FYN: variants seen among roughly 807,000 people sequenced by gnomAD.
FYN encodes the protein tyrosine-protein kinase Fyn.
Under a neutral mutation model 70.2 loss-of-function variants are expected in FYN, and 10 were observed. The observed-to-expected ratio is 0.14, with a 90% confidence interval of 0.09 to 0.24. FYN has a LOEUF of 0.24. Among genes scored for constraint, FYN ranks in the 10% least tolerant of loss-of-function variants. The pLI is 1.00. For synonymous variants in FYN, 236 were observed against 248.6 expected (o/e 0.95, Z 0.48); for missense variants, 319 against 673.1 (o/e 0.47, Z 5.82).
intron 4 of FYN, among the ~76,000 whole-genome samples, chr6:111,715,852 A>G (rs1186592172): frequency 3.3e-5 from 5 of 152,216 alleles, no homozygotes; most frequent in African/African-American, 1.2e-4. Flanking sequence ...ATTTTAATTG[A>G]TGTATGGACA....
chr6:111,849,854 C>G (rs1583492636), intron 1 of FYN, among the ~76,000 whole-genome samples: 2 of 152,196 alleles, frequency 1.3e-5, no homozygotes, highest in African/African-American at 4.8e-5. Context: ...TGCCCACACC[C>G]CCATGCAGGA....
intron 2 of FYN, among the ~76,000 whole-genome samples, chr6:111,844,320 A>C (rs1342035852): frequency 6.6e-6 from 1 of 152,266 alleles, no homozygotes; most frequent in African/African-American, 2.4e-5. Context: ...CATGAAGAAC[A>C]AACACTGTAA....
intron 2 of FYN, among the ~76,000 whole-genome samples, chr6:111,794,335 C>T (rs1771734614): frequency 6.6e-6 from 1 of 152,208 alleles, no homozygotes; most frequent in Admixed American, 6.5e-5. Context: ...ATAACATATG[C>T]TTTTTAAATA....
intron 3 of FYN, among the ~76,000 whole-genome samples, chr6:111,724,705 T>C (rs1299021191): frequency 6.6e-6 from 1 of 152,180 alleles, no homozygotes; most frequent in African/African-American, 2.4e-5. Flanking sequence ...CAGGGGTGTA[T>C]GCTCTTTTGT....
intron 3 of FYN, among the ~76,000 whole-genome samples, chr6:111,742,031 A>G (rs934965635): frequency 3.9e-4 from 59 of 152,078 alleles, no homozygotes; most frequent in African/African-American, 1.4e-3. Context: ...GCTAAGGAAA[A>G]CCCTAGCTTT....
chr6:111,829,981 C>T (rs1772964481), intron 2 of FYN, among the ~76,000 whole-genome samples: 1 of 152,192 alleles, frequency 6.6e-6, no homozygotes, highest in African/African-American at 2.4e-5. Context: ...GTCAGGGACT[C>T]ATTTCCTTTG....
intron 3 of FYN, among the ~76,000 whole-genome samples, chr6:111,745,547 G>A (rs767235784): frequency 2.0e-5 from 3 of 152,192 alleles, no homozygotes; most frequent in Non-Finnish European, 2.9e-5. Flanking sequence ...TGTTTGGTGT[G>A]ACACAAGCCA....
intron 2 of FYN, among the ~76,000 whole-genome samples, chr6:111,846,011 C>T (rs1412198465): frequency 6.6e-6 from 1 of 152,218 alleles, no homozygotes; most frequent in Non-Finnish European, 1.5e-5. Flanking sequence ...ACCATCATTA[C>T]CTGAGTACTT....
At chr6:111,837,235 C>T (rs1431168682) in intron 2 of FYN, among the ~76,000 whole-genome samples, 2 of 152,282 alleles carry the variant, frequency 1.3e-5, no homozygotes, top group East Asian at 1.9e-4. Context: ...CGGTAAGCGG[C>T]ACTTTGATGT....
chr6:111,798,870 T>C (rs1360484490), intron 2 of FYN, among the ~76,000 whole-genome samples: 1 of 152,244 alleles, frequency 6.6e-6, no homozygotes, highest in African/African-American at 2.4e-5. Flanking sequence ...GAAAATTGTA[T>C]ATTTACTCTT....
intron 5 of FYN, among the ~76,000 whole-genome samples, chr6:111,711,629 A>C (rs1249667411): frequency 1.3e-5 from 2 of 152,150 alleles, no homozygotes; most frequent in African/African-American, 2.4e-5. Context: ...CCACCAGGGA[A>C]GGGAGTGGGA....
intron 2 of FYN, among the ~76,000 whole-genome samples, chr6:111,830,907 T>C (rs557734859): frequency 2.9e-5 from 4 of 138,312 alleles, no homozygotes; most frequent in African/African-American, 1.2e-4. Context: ...GATGGATTTG[T>C]AGACATTGTA....
intron 13 of FYN, among the ~76,000 whole-genome samples, chr6:111,667,060 C>T (rs1798042471): frequency 6.6e-6 from 1 of 152,134 alleles, no homozygotes. Flanking sequence ...TGGCTTCCTC[C>T]AGCAAACTCA....
chr6:111,749,749 G>C (rs1417385846), intron 3 of FYN, among the ~76,000 whole-genome samples: 3 of 151,988 alleles, frequency 2.0e-5, no homozygotes, highest in Non-Finnish European at 4.4e-5. Flanking sequence ...AATTATAATA[G>C]GGTAAAACTT....
At chr6:111,745,130 G>A (rs148651000) in intron 3 of FYN, among the ~76,000 whole-genome samples, 2 of 152,270 alleles carry the variant, frequency 1.3e-5, no homozygotes, top group East Asian at 3.9e-4. Flanking sequence ...GTGAGTGAAT[G>A]AATCTATCCA....
chr6:111,794,475 C>T lies in FYN; in HGVS notation c.-81-13840G>A, dbSNP rs899492312. Among the ~76,000 whole-genome samples, 3 of 152,190 alleles carry T rather than the reference C, an allele frequency of 2.0e-5. No homozygotes were observed. In the East Asian group the frequency reaches 5.8e-4, roughly 29 times the overall value. On this transcript the variant is annotated intron_variant, in intron 2 of 13. Transcript: ENST00000354650. ...TCACCTAGGTCAATTCCTCGAGAGT[C>T]TGCAGCCAGAAGACTGAGGCTCTAC...
chr6:111,702,895 T>G lies in FYN; in HGVS notation c.687A>C (p.Gln229His), dbSNP rs77439992. ...TAGAATTAAGGTTACCTGAGTAATG[T>G]TGTACAAGCTGCTGAAGTGTTTCAA... is the stretch of plus-strand genomic sequence containing the variant. ...AQFETLQQLV[Q>H]HYSERAAGLC... The change falls in exon 8 of 14, where the codon CAA becomes CAC. Residue 229 changes from glutamine to histidine, a missense_variant. This residue lies in a region of FYN where 112 missense variants were observed against 250.2 expected (regional missense o/e 0.45). Transcript: ENST00000354650. The G allele has an allele frequency of 3.7e-4, 603 of 1,613,912 alleles. 1 individual carries two copies. The highest frequency in any genetic ancestry group is 6.2e-4 in the Admixed American group (37 of 59,994).
chr6:111,860,113 G>A (rs1454997825), intron 1 of FYN, among the ~76,000 whole-genome samples: 1 of 152,084 alleles, frequency 6.6e-6, no homozygotes, highest in East Asian at 1.9e-4. Context: ...CCTGCTGAGA[G>A]CCTGGTTTCT....
chr6:111,866,906 C>T (rs1029373304), intron 1 of FYN, among the ~76,000 whole-genome samples: 12 of 152,162 alleles, frequency 7.9e-5, no homozygotes, highest in Non-Finnish European at 1.2e-4. Flanking sequence ...CTAGACTTCT[C>T]CCCCTCTAGT....
Sources: gnomAD v4.1 joint callset for allele counts (sites outside exome capture counted in the v4.1 genomes callset) on GRCh38, gnomAD v4.1.1 for gene constraint, gnomAD v4.1.1 regional missense constraint, MANE v1.5 for transcripts, NCBI Gene and HGNC (gene_info 2026-07-23, HGNC 2026-07-21) for gene names.